The following FBXO10 variants were observed in gnomAD, a reference collection of about 807,000 sequenced individuals.
FBXO10 encodes F-box only protein 10.
In FBXO10, 39 loss-of-function variants were observed where a neutral mutation model predicts 80.7. The observed-to-expected ratio is 0.48, with a 90% CI of 0.37 to 0.63. The LOEUF (loss-of-function observed/expected upper bound fraction) is 0.63, where lower values mean the gene tolerates loss of function less well. FBXO10 is among the 30% of genes least tolerant of loss of function. The pLI, the probability that FBXO10 is intolerant of heterozygous loss-of-function variation, is 0.00. For missense variants in FBXO10, 1,025 were observed against 1,269.0 expected, an observed-to-expected ratio of 0.81 and a Z score of 2.92; for synonymous variants, 449 against 489.6, an observed-to-expected ratio of 0.92 and a Z score of 1.09.
chr9:37,571,714 C>CATATATATATATATATATATATATAT (rs71494672), intron 1 of FBXO10, among the ~76,000 whole-genome samples: 9 of 93,144 alleles, frequency 9.7e-5, no homozygotes, highest in East Asian at 2.6e-4. Context: ...AAAAGAGAGC[C>CATATATATATATATATATATATATAT]ATATATATAT....
intron 1 of FBXO10, among the ~76,000 whole-genome samples, chr9:37,549,929 T>C (rs1253796217): frequency 6.6e-6 from 1 of 152,204 alleles, no homozygotes; most frequent in Non-Finnish European, 1.5e-5. Flanking sequence ...AGCAATTCAC[T>C]GGTGGTAACG....
intron 1 of FBXO10, among the ~76,000 whole-genome samples, chr9:37,561,678 T>C (rs1424854612): frequency 6.6e-6 from 1 of 152,210 alleles, no homozygotes; most frequent in African/African-American, 2.4e-5. Flanking sequence ...CATTCGTTGA[T>C]TGCCTATGTG....
chr9:37,524,149 C>G (rs1436587627), intron 6 of FBXO10, among the ~76,000 whole-genome samples: 1 of 152,174 alleles, frequency 6.6e-6, no homozygotes, highest in African/African-American at 2.4e-5. Context: ...CACAGGCGGC[C>G]CTACACGGAA....
intron 1 of FBXO10, among the ~76,000 whole-genome samples, chr9:37,562,679 T>C (rs952117498): frequency 2.0e-5 from 3 of 152,218 alleles, no homozygotes; most frequent in Non-Finnish European, 2.9e-5. Flanking sequence ...TTATCTGGTA[T>C]ATTAGCATAG....
chr9:37,526,762 CTG>C (rs1224940623), intron 5 of FBXO10, among the ~76,000 whole-genome samples: 2 of 152,062 alleles, frequency 1.3e-5, no homozygotes, highest in African/African-American at 2.4e-5. Context: ...CCTCATCACT[CTG>C]ACTTCTGCTT....
intron 1 of FBXO10, among the ~76,000 whole-genome samples, chr9:37,571,254 A>G (rs887760982): frequency 6.6e-6 from 1 of 152,156 alleles, no homozygotes; most frequent in Non-Finnish European, 1.5e-5. Flanking sequence ...TGATATGGGT[A>G]TTTGTTAGAT....
intron 1 of FBXO10, among the ~76,000 whole-genome samples, chr9:37,552,584 C>T (rs763348271): frequency 7.4e-5 from 11 of 149,228 alleles, no homozygotes; most frequent in Non-Finnish European, 1.5e-4. Flanking sequence ...CCCAGCTACT[C>T]GGGAGGCTGA....
intron 1 of FBXO10, among the ~76,000 whole-genome samples, chr9:37,553,059 T>C (rs1163911561): frequency 1.3e-5 from 2 of 151,466 alleles, no homozygotes; most frequent in African/African-American, 4.9e-5. Flanking sequence ...TGTATTTTTT[T>C]TGAGATGGAG....
chr9:37,513,396 C>CTGA (rs1200561281), intron 10 of FBXO10, among the ~76,000 whole-genome samples: 1 of 152,132 alleles, frequency 6.6e-6, no homozygotes, highest in Admixed American at 6.5e-5. Context: ...TACGCTTCAG[C>CTGA]TGATGAGTGA....
chr9:37,524,828 G>A (rs977757869), intron 6 of FBXO10, among the ~76,000 whole-genome samples: 3 of 152,242 alleles, frequency 2.0e-5, no homozygotes, highest in African/African-American at 7.2e-5. Flanking sequence ...TGGACAGGTG[G>A]TTGGGCATCA....
chr9:37,522,643 A>G (rs1242949317), intron 7 of FBXO10, among the ~76,000 whole-genome samples, 182 bp downstream of exon 7: 3 of 152,194 alleles, frequency 2.0e-5, no homozygotes, highest in African/African-American at 7.2e-5. Context: ...AATCTGGACT[A>G]CAATGTGATT....
intron 1 of FBXO10, among the ~76,000 whole-genome samples, chr9:37,559,619 C>A (rs1161329824): frequency 2.0e-5 from 3 of 152,238 alleles, no homozygotes; most frequent in Admixed American, 6.5e-5. Flanking sequence ...GATTGTACAT[C>A]TGATCCCTCC....
intron 8 of FBXO10, among the ~76,000 whole-genome samples, chr9:37,520,035 A>C (rs968912257): frequency 2.6e-5 from 4 of 151,848 alleles, no homozygotes; most frequent in African/African-American, 7.3e-5. Flanking sequence ...AGGTCTCTCT[A>C]TGTTGCCTAG....
At chr9:37,539,814 T>C (rs976297519) in intron 2 of FBXO10, among the ~76,000 whole-genome samples, 1 of 152,238 alleles carries the variant, frequency 6.6e-6, no homozygotes, top group Admixed American at 6.5e-5. Flanking sequence ...AGAAAGTTAC[T>C]TACCAACTGT....
chr9:37,569,493 A>AC (rs58354856), intron 1 of FBXO10, among the ~76,000 whole-genome samples: 42,142 of 149,542 alleles, frequency 0.28, 6,383 homozygotes, highest in South Asian at 0.33. Context: ...AAAAAAAAAA[A>AC]CACCCAGTAA....
At chr9:37,563,537 GGCTTTGATCAAAATGCT>G (rs1451472632) in intron 1 of FBXO10, among the ~76,000 whole-genome samples, 10 of 152,214 alleles carry the variant, frequency 6.6e-5, no homozygotes, top group Non-Finnish European at 4.4e-5. Flanking sequence ...CTTGTTGAAT[GGCTTTGATCAAAATGCT>G]GATAGTGATA....
intron 4 of FBXO10, among the ~76,000 whole-genome samples, chr9:37,531,440 G>A (rs1272161872): frequency 6.6e-6 from 1 of 152,144 alleles, no homozygotes; most frequent in Non-Finnish European, 1.5e-5. Flanking sequence ...TTTTCACACG[G>A]GTAGAAAATC....
chr9:37,533,383 T>C (rs961008955), intron 3 of FBXO10, among the ~76,000 whole-genome samples: 39 of 150,698 alleles, frequency 2.6e-4, no homozygotes, highest in Non-Finnish European at 3.8e-4. Context: ...TCGTTTCTAC[T>C]AAAAATACAA....
intron 1 of FBXO10, among the ~76,000 whole-genome samples, chr9:37,574,277 GAA>G (rs1329703370): frequency 6.6e-6 from 1 of 152,046 alleles, no homozygotes; most frequent in African/African-American, 2.4e-5. Flanking sequence ...TTTATTGAAG[GAA>G]AAAAGGAGGG....
Sources: allele counts gnomAD v4.1 joint callset (sites outside exome capture counted in the v4.1 genomes callset), GRCh38; gene constraint gnomAD v4.1.1; transcripts MANE v1.5; gene names NCBI Gene and HGNC (gene_info 2026-07-23, HGNC 2026-07-21).